KANSL1: variants seen among roughly 807,000 people sequenced by gnomAD.
KANSL1 encodes the protein MLL1/MLL complex subunit KANSL1.
A neutral mutation model predicts 103.6 loss-of-function variants in KANSL1; 22 were observed. The ratio of observed to expected loss-of-function variants is 0.21; its 90% CI spans 0.15 to 0.30. The LOEUF is 0.30. KANSL1 is among the 10% of genes least tolerant of loss of function. KANSL1 has a pLI of 1.00. For missense variants in KANSL1, 1,337 were observed against 1,399.8 expected (o/e 0.96, Z 0.72); for synonymous variants, 600 against 527.6 (o/e 1.14, Z -1.88).
chr17:46,142,664 T>C (rs991764200), intron 2 of KANSL1, among the ~76,000 whole-genome samples: 1 of 152,218 alleles, frequency 6.6e-6, no homozygotes, highest in African/African-American at 2.4e-5. Flanking sequence ...TCAACTTCAC[T>C]AATACTTTCC....
intron 4 of KANSL1, among the ~76,000 whole-genome samples, chr17:46,078,646 T>A (rs1411160136): frequency 6.6e-6 from 1 of 152,256 alleles, no homozygotes; most frequent in Non-Finnish European, 1.5e-5. Flanking sequence ...TTCCTGGCAA[T>A]ACTTTCTGTC....
chr17:46,192,113 C>G (rs747261081), intron 1 of KANSL1, among the ~76,000 whole-genome samples: 4 of 152,204 alleles, frequency 2.6e-5, no homozygotes, highest in Non-Finnish European at 5.9e-5. Flanking sequence ...GCACGTTTCT[C>G]TATAAATCCA....
In KANSL1 at chr17:46,076,125, CTT is replaced by C. The variant is rs541905959; in HGVS notation, c.1533+6314_1533+6315del. Among the ~76,000 whole-genome samples, 247 of 152,308 alleles carry C rather than the reference CTT, an allele frequency of 1.6e-3. 1 individual carries two copies. The highest frequency in any genetic ancestry group is 5.7e-3 in the African/African-American group (236 of 41,568). Reference sequence around the variant, plus strand: ...AAGCAAATTATAAATTTTAAATTAACTTTGTAAGAAGGCTAGAAATCAGGTAG... The same window carrying C: ...AAGCAAATTATAAATTTTAAATTAACTGTAAGAAGGCTAGAAATCAGGTAG... On this transcript the variant is annotated intron_variant, in intron 4 of 14. Coordinates refer to ENST00000432791, the MANE Select transcript of KANSL1 (RefSeq NM_015443.4).
At chr17:46,138,958 C>G (rs2044286124) in intron 2 of KANSL1, among the ~76,000 whole-genome samples, 1 of 152,210 alleles carries the variant, frequency 6.6e-6, no homozygotes, top group South Asian at 2.1e-4. Context: ...TCAACTACCC[C>G]CAGTGGCTTA....
Position 46,030,479 on chromosome 17 carries a change from A to G in KANSL1, c.*997T>C, listed in dbSNP as rs1366831878. Reference sequence around the variant, plus strand: ...GTGAAGGGGGAACAATGGGAACCACAGCTAGGACCAGACAATGTTCCACAG... The same window carrying G: ...GTGAAGGGGGAACAATGGGAACCACGGCTAGGACCAGACAATGTTCCACAG... On this transcript the variant is annotated 3_prime_UTR_variant, in exon 15 of 15. Transcript: ENST00000432791. The G allele has an allele frequency of 6.6e-6, 1 of 152,142 alleles. No individual in the cohort carries two copies. The highest frequency in any genetic ancestry group is 1.5e-5 in the Non-Finnish European group (1 of 68,048). 9.4% of individuals were successfully genotyped at this position (152,142 alleles called of 1,614,324 possible).
chr17:46,033,191 A>G lies in KANSL1; in HGVS notation c.2726T>C (p.Ile909Thr), dbSNP rs1471391564. The change falls in exon 13 of 15, where the codon ATT (isoleucine) becomes ACT (threonine). Residue 909 changes from isoleucine to threonine, a missense_variant and splice_region_variant. Coordinates refer to ENST00000432791, the MANE Select transcript of KANSL1 (RefSeq NM_015443.4). ...GAAGGCTGCGTCGGATAGGTCCTCAATCTGCAATAGAGCAGCTTCATCGAT... is the reference window on the plus strand; with the variant it reads ...GAAGGCTGCGTCGGATAGGTCCTCAGTCTGCAATAGAGCAGCTTCATCGAT... ...KGSPDEENEEIEDLSDAAFAA... is the reference protein window; with the variant it reads ...KGSPDEENEETEDLSDAAFAA... 1 of 1,594,554 alleles carries G rather than the reference A, an allele frequency of 6.3e-7. No homozygotes were observed. Among genetic ancestry groups the G allele is most frequent in the South Asian group, 1.1e-5 (1 of 88,476 alleles).
intron 2 of KANSL1, among the ~76,000 whole-genome samples, chr17:46,165,687 T>G (rs138396315): frequency 1.6e-3 from 235 of 151,526 alleles, no homozygotes; most frequent in African/African-American, 5.5e-3. Context: ...ATTTTTGAAT[T>G]TTTGGTAGAG....
At chr17:46,160,491 G>A (rs1276284015) in intron 2 of KANSL1, among the ~76,000 whole-genome samples, 3 of 152,038 alleles carry the variant, frequency 2.0e-5, no homozygotes, top group Admixed American at 6.5e-5. Flanking sequence ...AAGGGGTTTC[G>A]CCATGTTACC....
intron 3 of KANSL1, among the ~76,000 whole-genome samples, chr17:46,086,303 C>T (rs1299396563): frequency 6.6e-6 from 1 of 152,126 alleles, no homozygotes; most frequent in Non-Finnish European, 1.5e-5. Context: ...TTGGTAGGGA[C>T]CATCTATTCA....
At chr17:46,083,809 A>AT (rs918815566) in intron 3 of KANSL1, among the ~76,000 whole-genome samples, 1 of 152,112 alleles carries the variant, frequency 6.6e-6, no homozygotes, top group African/African-American at 2.4e-5. Context: ...TAAAGTATAG[A>AT]TTTGGGGGAC....
chr17:46,094,423 A>G (rs574274735), intron 3 of KANSL1, 137 bp downstream of exon 3: 7 of 1,069,094 alleles, frequency 6.5e-6, no homozygotes, highest in African/African-American at 3.3e-5. Context: ...TTAAACCACT[A>G]TATCAGGTCA....
rs34472278 is a variant in KANSL1 at position 46,127,777 on chromosome 17, C to CAA, written c.1290-33078_1290-33077dup. On this transcript the variant is annotated intron_variant, in intron 2 of 14. Transcript: ENST00000432791. ...TGGGCAACAGAGCCAGACCCTGTCT[C>CAA]AAAAAAAAAAAAAGTTAAATGCTGA... 3.3e-4 allele frequency among the ~76,000 whole-genome samples: 47 copies of CAA among 143,206 alleles called. 1 individual carries two copies. Among genetic ancestry groups the CAA allele is most frequent in the East Asian group, 1.2e-3 (6 of 4,944 alleles). 93.9% of individuals were successfully genotyped at this position (143,206 alleles called of 152,430 possible). A position where few individuals can be genotyped will look rare whatever the true frequency, so the allele number is the denominator to read the frequency against.
At chr17:46,106,677 G>A (rs948005272) in intron 2 of KANSL1, among the ~76,000 whole-genome samples, 1 of 152,188 alleles carries the variant, frequency 6.6e-6, no homozygotes, top group African/African-American at 2.4e-5. Flanking sequence ...ACAGGTGTGA[G>A]CCAATGCGCC....
intron 1 of KANSL1, among the ~76,000 whole-genome samples, chr17:46,179,822 A>G (rs2046696569): frequency 6.6e-6 from 1 of 152,200 alleles, no homozygotes; most frequent in South Asian, 2.1e-4. Context: ...TAATCCCAGG[A>G]CTTTGGGAGG....
intron 4 of KANSL1, among the ~76,000 whole-genome samples, chr17:46,071,795 T>C (rs996829112): frequency 2.0e-5 from 3 of 152,200 alleles, no homozygotes; most frequent in African/African-American, 7.2e-5. Context: ...ATTTGAATTT[T>C]ATTTGATGTT....
intron 4 of KANSL1, among the ~76,000 whole-genome samples, chr17:46,071,731 G>C (rs2078584385): frequency 6.6e-6 from 1 of 152,212 alleles, no homozygotes; most frequent in Non-Finnish European, 1.5e-5. Context: ...CAAAAAGGAT[G>C]AAAGAACTTA....
chr17:46,076,467 GC>G (rs1404283202), intron 4 of KANSL1, among the ~76,000 whole-genome samples: 1 of 145,004 alleles, frequency 6.9e-6, no homozygotes, highest in African/African-American at 2.6e-5. Context: ...CAGAACTCCA[GC>G]CCGAGTGACA....
At chr17:46,154,783 A>G (rs762271824) in intron 2 of KANSL1, among the ~76,000 whole-genome samples, 4 of 152,250 alleles carry the variant, frequency 2.6e-5, no homozygotes, top group Non-Finnish European at 5.9e-5. Context: ...CAATCAGAGC[A>G]TAAGTAACCC....
chr17:46,037,974 C>A (rs149175890), intron 10 of KANSL1: 55 of 152,704 alleles, frequency 3.6e-4, no homozygotes, highest in Admixed American at 7.8e-4. Context: ...GCCATGGGGG[C>A]CTGCTGGATC....
Sources: gnomAD v4.1 joint callset for allele counts (sites outside exome capture counted in the v4.1 genomes callset) on GRCh38, gnomAD v4.1.1 for gene constraint, MANE v1.5 for transcripts, NCBI Gene and HGNC (gene_info 2026-07-23, HGNC 2026-07-21) for gene names.